Variants in TAF4 observed in about 807,000 individuals in gnomAD.
TAF4 encodes the protein transcription initiation factor TFIID subunit 4.
TAF4 carries 9 observed loss-of-function variants against 90.3 expected under a neutral mutation model. That is an observed-to-expected ratio of 0.10 (90% CI 0.06 to 0.17). The LOEUF (loss-of-function observed/expected upper bound fraction) is 0.17. Among genes scored for constraint, TAF4 ranks in the 10% least tolerant of loss-of-function variants. The probability of loss-of-function intolerance (pLI) is 1.00; values close to 1 mark genes in which losing one functional copy is unlikely to be tolerated. For missense variants in TAF4, 1,351 were observed against 1,370.7 expected (o/e 0.99, Z 0.23); for synonymous variants, 818 against 638.9 (o/e 1.28, Z -4.23).
chr20:62,034,030 A>C (rs2055918864), intron 1 of TAF4, among the ~76,000 whole-genome samples: 1 of 151,738 alleles, frequency 6.6e-6, no homozygotes, highest in African/African-American at 2.4e-5. Flanking sequence ...CGACAGAGCA[A>C]GACTCTGTCT....
chr20:62,055,224 C>T (rs1040497052), intron 1 of TAF4, among the ~76,000 whole-genome samples: 2 of 149,276 alleles, frequency 1.3e-5, no homozygotes, highest in South Asian at 2.1e-4. Context: ...TGCCTGCGGG[C>T]AGTCCTGCAA....
intron 1 of TAF4, among the ~76,000 whole-genome samples, chr20:62,029,150 C>G (rs966155516): frequency 4.0e-5 from 6 of 150,154 alleles, no homozygotes; most frequent in Non-Finnish European, 8.9e-5. Context: ...GACCCAAGAT[C>G]GCGCCACTGC....
At chr20:61,990,246 G>A (rs374993613) in intron 14 of TAF4, among the ~76,000 whole-genome samples, 20 of 152,336 alleles carry the variant, frequency 1.3e-4, no homozygotes, top group African/African-American at 4.8e-4. Context: ...TAGCGGGGAC[G>A]AAGCAGACAG....
intron 14 of TAF4, among the ~76,000 whole-genome samples, chr20:61,991,359 G>A (rs1438474551): frequency 1.3e-5 from 2 of 151,990 alleles, no homozygotes; most frequent in Admixed American, 6.5e-5. Flanking sequence ...GTTGCCATGA[G>A]CTGAGATCAC....
At chr20:62,004,328 C>CTTTTTT (rs60437230) in intron 7 of TAF4, among the ~76,000 whole-genome samples, 11,644 of 116,800 alleles carry the variant, frequency 0.1, 1,126 homozygotes, top group Non-Finnish European at 0.15. Flanking sequence ...CTTTTCTTTT[C>CTTTTTT]TTTTTTTTTT....
At chr20:62,008,893 G>A (rs1188842822) in intron 5 of TAF4, 159 bp downstream of exon 5, 5 of 944,166 alleles carry the variant, frequency 5.3e-6, no homozygotes, top group Non-Finnish European at 7.4e-6. Flanking sequence ...GGCCACACAC[G>A]CCTTCGACAC....
intron 1 of TAF4, among the ~76,000 whole-genome samples, chr20:62,059,656 C>T (rs1461489046): frequency 3.3e-5 from 5 of 152,322 alleles, no homozygotes; most frequent in South Asian, 2.1e-4. Context: ...ATTAAGTAAA[C>T]GCCCCCATCA....
At chr20:61,981,330 G>C (rs2055539962) in intron 14 of TAF4, 1 of 152,128 alleles carries the variant, frequency 6.6e-6, no homozygotes, top group African/African-American at 2.4e-5. Flanking sequence ...GGAACAACAA[G>C]AAAATTAACA....
In TAF4 at chr20:62,035,737, G is replaced by A. The variant is rs140196881; in HGVS notation, c.1361-21030C>T. On this transcript the variant is annotated intron_variant, in intron 1 of 14. Transcript: ENST00000252996. The stretch of plus-strand genomic sequence containing the variant: ...ACAGTAAAATCAAGGAGTCCTATTC[G>A]TCAGAAGACACCATAAAGAAAGTGA... 7.9e-5 allele frequency among the ~76,000 whole-genome samples: 12 copies of A among 152,234 alleles called. No homozygotes were observed. In the East Asian group the frequency reaches 1.7e-3, roughly 22 times the overall value.
In TAF4 at chr20:62,000,207, C is replaced by A. The variant is rs1378512475; in HGVS notation, c.2704G>T (p.Val902Leu). Residue 902 changes from valine (V) to leucine (L), a missense_variant, in exon 11 of 15, where the codon GTA becomes TTA. Val to Leu is a conservative substitution (Grantham distance 32). Coordinates refer to ENST00000252996, the MANE Select transcript of TAF4 (RefSeq NM_003185.4). ...TELHPDVVSY[V>L]SHATQQRLQN... is the part of the protein sequence containing the mutation. ...AGCCTTTGTTGCGTGGCATGTGATA[C>A]ATAACTTACTACATCTGGATGTAAT... The A allele has an allele frequency of 9.3e-6, 15 of 1,614,238 alleles. No individual in the cohort carries two copies. Among genetic ancestry groups the A allele is most frequent in the Non-Finnish European group, 1.3e-5 (15 of 1,180,044 alleles).
intron 1 of TAF4, among the ~76,000 whole-genome samples, chr20:62,023,609 G>A (rs527958501): frequency 2.6e-5 from 4 of 151,544 alleles, no homozygotes; most frequent in South Asian, 4.2e-4. Context: ...TTAGCTGGGC[G>A]TGGTGGCGCA....
chr20:62,046,093 T>C (rs952146306), intron 1 of TAF4, among the ~76,000 whole-genome samples: 4 of 152,140 alleles, frequency 2.6e-5, no homozygotes, highest in African/African-American at 7.2e-5. Flanking sequence ...ACGGCAGACA[T>C]TGGGATTGGG....
At chr20:62,038,873 C>A (rs566790671) in intron 1 of TAF4, among the ~76,000 whole-genome samples, 3 of 152,176 alleles carry the variant, frequency 2.0e-5, no homozygotes, top group African/African-American at 7.2e-5. Context: ...GCCAACACGG[C>A]AAAACCCTAT....
intron 4 of TAF4, among the ~76,000 whole-genome samples, chr20:62,009,612 A>T (rs2055766575): frequency 6.6e-6 from 1 of 152,250 alleles, no homozygotes; most frequent in Non-Finnish European, 1.5e-5. Flanking sequence ...AAAGATGTCT[A>T]TCGATACAGG....
At chr20:62,062,859 C>A (rs557399475) in intron 1 of TAF4, among the ~76,000 whole-genome samples, 232 of 152,328 alleles carry the variant, frequency 1.5e-3, no homozygotes, top group Non-Finnish European at 2.0e-3. Flanking sequence ...AGTCCAATAC[C>A]TACCCAAAGG....
At chr20:62,026,588 A>G (rs1039355696) in intron 1 of TAF4, among the ~76,000 whole-genome samples, 1 of 152,150 alleles carries the variant, frequency 6.6e-6, no homozygotes, top group Non-Finnish European at 1.5e-5. Flanking sequence ...CCCCATCTCC[A>G]CAAAGCCGCA....
intron 14 of TAF4, among the ~76,000 whole-genome samples, chr20:61,986,563 C>T (rs945294325): frequency 2.0e-5 from 3 of 152,268 alleles, no homozygotes; most frequent in African/African-American, 7.2e-5. Context: ...TCAAAGGAAG[C>T]AATGCCCCTC....
At chr20:61,994,295 GT>G (rs2055650162) in intron 14 of TAF4, among the ~76,000 whole-genome samples, 1 of 152,252 alleles carries the variant, frequency 6.6e-6, no homozygotes, top group Non-Finnish European at 1.5e-5. Flanking sequence ...GCCCAGGTGA[GT>G]GCAGGTTCCT....
At chr20:62,023,346 G>A (rs1235985954) in intron 1 of TAF4, among the ~76,000 whole-genome samples, 2 of 152,060 alleles carry the variant, frequency 1.3e-5, no homozygotes, top group African/African-American at 4.8e-5. Flanking sequence ...CACGAGAATC[G>A]CTTGAACCAG....
Sources: gnomAD v4.1 joint callset for allele counts (sites outside exome capture counted in the v4.1 genomes callset) on GRCh38, gnomAD v4.1.1 for gene constraint, MANE v1.5 for transcripts, NCBI Gene and HGNC (gene_info 2026-07-23, HGNC 2026-07-21) for gene names.